FAM120C: variants seen among roughly 807,000 people sequenced by gnomAD.
FAM120C encodes constitutive coactivator of PPAR-gamma-like protein 2.
Under a neutral mutation model 71.2 loss-of-function variants are expected in FAM120C, and 14 were observed. That is an observed-to-expected ratio of 0.20 (90% CI 0.13 to 0.31). The LOEUF (loss-of-function observed/expected upper bound fraction) is 0.31. Ranked by LOEUF, FAM120C falls within the 10% of genes least tolerant of loss-of-function variation. The pLI is 1.00. For synonymous variants in FAM120C, 354 were observed against 353.2 expected (o/e 1.00, Z -0.03); for missense variants, 500 against 879.0 (o/e 0.57, Z 5.45).
At chrX:54,160,912 T>C (rs1413942959) in intron 1 of FAM120C, among the ~76,000 whole-genome samples, 1 of 111,372 alleles carries the variant, frequency 9.0e-6, no homozygotes, top group African/African-American at 3.3e-5. Context: ...TAAGTTGGAA[T>C]GGTAGTTTTC....
At chrX:54,137,176 C>T (rs2067099079) in intron 4 of FAM120C, among the ~76,000 whole-genome samples, 1 of 111,205 alleles carries the variant, frequency 9.0e-6, no homozygotes, top group South Asian at 3.7e-4. Flanking sequence ...TGGTCTCGAA[C>T]TCCTGACCTC....
At chrX:54,126,791 C>T (rs2067029643) in intron 9 of FAM120C, among the ~76,000 whole-genome samples, 1 of 113,352 alleles carries the variant, frequency 8.8e-6, no homozygotes, top group Non-Finnish European at 1.9e-5. Flanking sequence ...ATAAACCCTA[C>T]TCGGCCTTGG....
rs191435577 is a variant in FAM120C, at chrX:54,078,069, G to A, written c.3036+2163C>T. 5.9e-3 allele frequency among the ~76,000 whole-genome samples: 573 copies of A among 97,883 alleles called. 3 individuals are homozygous for A. The highest frequency in any genetic ancestry group is 0.021 in the African/African-American group (559 of 27,069). The allele number at this position is 97,883 out of a possible 115,157, so 85.0% of individuals were successfully genotyped here. ...CGCCATTCTCCTGCCTCAGCCTCCC[G>A]AGTAGCTGGGACTACAGGCGCCCGC... On this transcript the variant is annotated intron_variant, in intron 15 of 15. Transcript: ENST00000375180.
At chrX:54,145,970 T>C (rs1270201076) in intron 4 of FAM120C, among the ~76,000 whole-genome samples, 1 of 112,067 alleles carries the variant, frequency 8.9e-6, no homozygotes, top group Non-Finnish European at 1.9e-5. Context: ...TGGAATACTA[T>C]GCAGCCATAA....
At position 54,085,748 on chromosome X, in the gene FAM120C, G is replaced by A; in HGVS notation, c.2806C>T (p.Leu936Phe). Residue 936 changes from leucine (L) to phenylalanine (F), a missense_variant, in exon 13 of 16, where the codon CTT becomes TTT. This residue lies in a region of FAM120C where 34 missense variants were observed against 45.2 expected (regional missense o/e 0.75). Coordinates refer to ENST00000375180, the MANE Select transcript of FAM120C (RefSeq NM_017848.6). ...LYSRAMGSMP[L>F]PPQGRSRGFA... ...CCCCGGCTCCTCCCTTGAGGGGGAA[G>A]TGGCATGGAGCCCATAGCTCGGGAA... is the stretch of plus-strand genomic sequence containing the variant. The A allele has an allele frequency of 8.3e-7, 1 of 1,211,683 alleles. No homozygotes were observed. Among genetic ancestry groups the A allele is most frequent in the Non-Finnish European group, 1.1e-6 (1 of 895,540 alleles).
chrX:54,111,223 A>C (rs931342619), intron 10 of FAM120C, among the ~76,000 whole-genome samples: 1 of 110,672 alleles, frequency 9.0e-6, no homozygotes, highest in African/African-American at 3.3e-5. Context: ...CCTGTCTCCA[A>C]AAAAAGTAAC....
intron 6 of FAM120C, 21 bp from the exon 7 acceptor site, chrX:54,135,132 A>G (rs2067088185): frequency 8.6e-7 from 1 of 1,167,948 alleles, no homozygotes; most frequent in South Asian, 2.0e-5. Context: ...AAACAGACAG[A>G]AAAGCTATTT....
intron 9 of FAM120C, among the ~76,000 whole-genome samples, chrX:54,129,798 A>C (rs1352464874): frequency 2.7e-5 from 3 of 112,136 alleles, no homozygotes; most frequent in Non-Finnish European, 3.8e-5. Context: ...CTGGCGGATC[A>C]CTTGCGGTTA....
intron 1 of FAM120C, among the ~76,000 whole-genome samples, chrX:54,178,759 T>C (rs1490132201): frequency 8.9e-6 from 1 of 112,032 alleles, no homozygotes; most frequent in Non-Finnish European, 1.9e-5. Flanking sequence ...ATAGCAGCCA[T>C]TGCTTTATCG....
intron 10 of FAM120C, among the ~76,000 whole-genome samples, chrX:54,094,504 A>G (rs1245803194): frequency 9.1e-6 from 1 of 109,507 alleles, no homozygotes; most frequent in African/African-American, 3.3e-5. Flanking sequence ...ACATCTCAAA[A>G]GGTTGTAATA....
intron 1 of FAM120C, among the ~76,000 whole-genome samples, chrX:54,175,150 A>G (rs2067309959): frequency 1.8e-5 from 2 of 111,564 alleles, no homozygotes; most frequent in South Asian, 7.5e-4. Flanking sequence ...TATTTTGCCT[A>G]TTTATCTTGT....
chrX:54,118,699 CTTTTTTTTTT>C (rs1187381929), intron 9 of FAM120C, among the ~76,000 whole-genome samples: 4 of 31,721 alleles, frequency 1.3e-4, no homozygotes, highest in African/African-American at 4.2e-4. Context: ...TTCTTTTTTT[CTTTTTTTTTT>C]TTTTTTTTTT....
chrX:54,159,239 C>T, intron 2 of FAM120C, 131 bp downstream of exon 2: 1 of 827,988 alleles, frequency 1.2e-6, no homozygotes, highest in Non-Finnish European at 1.7e-6. Flanking sequence ...GAGTTCTCCC[C>T]AGCAGTGTTT....
intron 10 of FAM120C, among the ~76,000 whole-genome samples, chrX:54,109,583 C>G (rs967100638): frequency 1.4e-4 from 15 of 107,734 alleles, no homozygotes; most frequent in African/African-American, 4.7e-4. Context: ...CCACTGCACT[C>G]CAGCCTGGGT....
chrX:54,136,943 T>TTTA (rs200501762), intron 4 of FAM120C, among the ~76,000 whole-genome samples: 3,453 of 107,675 alleles, frequency 0.032, 79 homozygotes, highest in African/African-American at 0.073. Context: ...ATTTTATTAT[T>TTTA]TTATTATTAT....
chrX:54,163,852 G>A (rs1013379166), intron 1 of FAM120C, among the ~76,000 whole-genome samples: 3 of 108,373 alleles, frequency 2.8e-5, no homozygotes, highest in Admixed American at 1.0e-4. Context: ...TAAGTCATTC[G>A]TTTCATCTAC....
chrX:54,128,106 G>C (rs895809903), intron 9 of FAM120C, among the ~76,000 whole-genome samples: 1 of 110,933 alleles, frequency 9.0e-6, no homozygotes, highest in Non-Finnish European at 1.9e-5. Flanking sequence ...CTTGGTTCAC[G>C]GCATCCTCCA....
chrX:54,116,469 T>C, intron 10 of FAM120C, 76 bp downstream of exon 10: 1 of 1,085,397 alleles, frequency 9.2e-7, no homozygotes. Context: ...TGAAATACCA[T>C]AAAAGCAGGT....
chrX:54,131,754 T>C (rs1423658655), intron 9 of FAM120C, among the ~76,000 whole-genome samples: 8 of 105,849 alleles, frequency 7.6e-5, no homozygotes, highest in African/African-American at 1.7e-4. Context: ...TCTTTTTTCT[T>C]TCTTTCTTTC....
Sources: gnomAD v4.1 joint callset for allele counts (sites outside exome capture counted in the v4.1 genomes callset) on GRCh38, gnomAD v4.1.1 for gene constraint, gnomAD v4.1.1 regional missense constraint, MANE v1.5 for transcripts, NCBI Gene and HGNC (gene_info 2026-07-23, HGNC 2026-07-21) for gene names.